Variants in KIF16B observed in about 807,000 individuals in gnomAD.
KIF16B encodes kinesin-like protein KIF16B.
A neutral mutation model predicts 156.3 loss-of-function variants in KIF16B; 98 were observed. That is an observed-to-expected ratio of 0.63 (90% confidence interval 0.53 to 0.74). The LOEUF (loss-of-function observed/expected upper bound fraction) is 0.74, where lower values mean the gene tolerates loss of function less well. KIF16B is among the 30% of genes least tolerant of loss of function. The pLI, the probability that KIF16B is intolerant of heterozygous loss-of-function variation, is 0.00. For missense variants in KIF16B, 1,421 were observed against 1,606.5 expected (o/e 0.88, Z 1.97); for synonymous variants, 564 against 583.7 (o/e 0.97, Z 0.49).
At chr20:16,503,781 G>C (rs1424993248) in intron 10 of KIF16B, among the ~76,000 whole-genome samples, 3 of 152,124 alleles carry the variant, frequency 2.0e-5, no homozygotes, top group Non-Finnish European at 4.4e-5. Context: ...CTATCAGGAA[G>C]CTTACTGAGA....
intron 2 of KIF16B, among the ~76,000 whole-genome samples, chr20:16,528,075 A>T (rs2069614541): frequency 6.6e-6 from 1 of 152,206 alleles, no homozygotes; most frequent in Admixed American, 6.5e-5. Flanking sequence ...CTAAGTCCCT[A>T]CTACGAGGAC....
intron 15 of KIF16B, among the ~76,000 whole-genome samples, chr20:16,409,607 G>A (rs1362383452): frequency 6.6e-6 from 1 of 152,024 alleles, no homozygotes; most frequent in Non-Finnish European, 1.5e-5. Flanking sequence ...AAGTGATGAT[G>A]GCTCTGGACT....
At chr20:16,298,378 C>A (rs896141718) in intron 25 of KIF16B, among the ~76,000 whole-genome samples, 1 of 152,234 alleles carries the variant, frequency 6.6e-6, no homozygotes, top group African/African-American at 2.4e-5. Context: ...AGCTATACGA[C>A]TGACTGCATG....
At chr20:16,460,499 T>C (rs750438057) in intron 12 of KIF16B, among the ~76,000 whole-genome samples, 1 of 151,914 alleles carries the variant, frequency 6.6e-6, no homozygotes, top group East Asian at 2.0e-4. Flanking sequence ...TGAACCCGGG[T>C]TGCAGTGAGC....
chr20:16,500,109 T>C (rs1215744532), intron 10 of KIF16B, among the ~76,000 whole-genome samples: 8 of 152,208 alleles, frequency 5.3e-5, no homozygotes, highest in South Asian at 2.1e-4. Flanking sequence ...GACATCCTGT[T>C]TTTAAAGAAC....
At chr20:16,386,056 C>T (rs1224694320) in intron 17 of KIF16B, among the ~76,000 whole-genome samples, 1 of 152,164 alleles carries the variant, frequency 6.6e-6, no homozygotes, top group Non-Finnish European at 1.5e-5. Context: ...AAACATTCAA[C>T]GAGCTGGTAT....
At chr20:16,278,482 C>A (rs150084853) in intron 25 of KIF16B, among the ~76,000 whole-genome samples, 9 of 152,066 alleles carry the variant, frequency 5.9e-5, no homozygotes, top group African/African-American at 2.2e-4. Flanking sequence ...CTAATCTTTA[C>A]GGTATATTTC....
At chr20:16,431,962 C>G (rs1258655039) in intron 12 of KIF16B, among the ~76,000 whole-genome samples, 1 of 142,880 alleles carries the variant, frequency 7.0e-6, no homozygotes, top group Non-Finnish European at 1.5e-5. Flanking sequence ...TACCTGTCCT[C>G]TGGCTAGAAT....
At chr20:16,544,543 G>C (rs2070327566) in intron 1 of KIF16B, among the ~76,000 whole-genome samples, 1 of 138,376 alleles carries the variant, frequency 7.2e-6, no homozygotes, top group Non-Finnish European at 1.5e-5. Context: ...GAAGGCAGAG[G>C]TTGCAGTGAG....
At chr20:16,396,001 G>A (rs977188503) in intron 17 of KIF16B, among the ~76,000 whole-genome samples, 3 of 152,016 alleles carry the variant, frequency 2.0e-5, no homozygotes, top group Non-Finnish European at 2.9e-5. Flanking sequence ...CTTCCTCCCC[G>A]CTGAGGAATT....
intron 25 of KIF16B, among the ~76,000 whole-genome samples, chr20:16,282,754 T>A (rs2063166016): frequency 6.6e-6 from 1 of 152,120 alleles, no homozygotes; most frequent in South Asian, 2.1e-4. Flanking sequence ...GGACCTGGGC[T>A]CTGCCAGTCC....
chr20:16,274,460 T>C (rs2063031345), intron 25 of KIF16B, among the ~76,000 whole-genome samples: 1 of 152,156 alleles, frequency 6.6e-6, no homozygotes, highest in Non-Finnish European at 1.5e-5. Context: ...CAAGAATAGT[T>C]AATATATTTT....
chr20:16,527,566 T>G (rs2069592401), intron 2 of KIF16B, among the ~76,000 whole-genome samples: 1 of 152,138 alleles, frequency 6.6e-6, no homozygotes. Context: ...TTCTTTCTTT[T>G]TTGTTGTTGT....
chr20:16,398,841 A>G (rs2065578890), intron 17 of KIF16B, among the ~76,000 whole-genome samples: 1 of 152,140 alleles, frequency 6.6e-6, no homozygotes. Context: ...TGGGCAAGGG[A>G]GGGGAGTCCC....
intron 3 of KIF16B, among the ~76,000 whole-genome samples, chr20:16,520,339 G>C (rs904813031): frequency 1.3e-5 from 2 of 151,912 alleles, no homozygotes; most frequent in East Asian, 1.9e-4. Flanking sequence ...TGAGCTTAGT[G>C]GGGGGAGGGG....
rs1461229054 is a variant in KIF16B at position 16,409,977 on chromosome 20, A to AGG, written c.1613-3522_1613-3521insCC. 3.1e-4 allele frequency among the ~76,000 whole-genome samples: 32 copies of AGG among 104,534 alleles called. 4 individuals carry two copies. Among genetic ancestry groups the AGG allele is most frequent in the Non-Finnish European group, 4.5e-4 (24 of 52,828 alleles). 68.6% of individuals were successfully genotyped at this position (104,534 alleles called of 152,430 possible). ...TATATATATATATATATACATATAT[A>AGG]TATATATATATATATGTAGGTACAT... is the stretch of plus-strand genomic sequence containing the variant. On this transcript the variant is annotated intron_variant, in intron 15 of 25. Coordinates refer to ENST00000354981, the MANE Select transcript of KIF16B (RefSeq NM_024704.5).
intron 20 of KIF16B, 74 bp downstream of exon 20, chr20:16,374,183 T>A: frequency 7.3e-7 from 1 of 1,379,076 alleles, no homozygotes; most frequent in Non-Finnish European, 9.6e-7. Flanking sequence ...AGATACAAAG[T>A]AGTTCAACAG....
intron 12 of KIF16B, among the ~76,000 whole-genome samples, chr20:16,458,862 T>C (rs1287433705): frequency 6.6e-6 from 1 of 152,160 alleles, no homozygotes; most frequent in Non-Finnish European, 1.5e-5. Flanking sequence ...GAAAGTGCTT[T>C]GGACTCTTTG....
chr20:16,507,630 T>C (rs933716018), intron 7 of KIF16B, among the ~76,000 whole-genome samples: 6 of 152,194 alleles, frequency 3.9e-5, no homozygotes, highest in Non-Finnish European at 7.3e-5. Context: ...CTGGTCTGAC[T>C]CGCAATCCAT....
Sources: gnomAD v4.1 joint callset for allele counts (sites outside exome capture counted in the v4.1 genomes callset) on GRCh38, gnomAD v4.1.1 for gene constraint, MANE v1.5 for transcripts, NCBI Gene and HGNC (gene_info 2026-07-23, HGNC 2026-07-21) for gene names.